SRGAP3: variants seen among roughly 807,000 people sequenced by gnomAD.
SRGAP3 encodes the protein SLIT-ROBO Rho GTPase-activating protein 3.
Under a neutral mutation model 121.1 loss-of-function variants are expected in SRGAP3, and 39 were observed. That is an observed-to-expected ratio of 0.32 (90% CI 0.25 to 0.42). The LOEUF (loss-of-function observed/expected upper bound fraction) is 0.42. Ranked by LOEUF, SRGAP3 falls within the 10% of genes least tolerant of loss-of-function variation. The probability of loss-of-function intolerance (pLI) is 1.00; values close to 1 mark genes in which losing one functional copy is unlikely to be tolerated. For missense variants in SRGAP3, 1,213 were observed against 1,470.6 expected (o/e 0.82, Z 2.86); for synonymous variants, 601 against 570.0 (o/e 1.05, Z -0.77).
chr3:9,038,002 G>A, intron 11 of SRGAP3, 61 bp downstream of exon 11: 1 of 1,609,076 alleles, frequency 6.2e-7, no homozygotes, highest in Non-Finnish European at 8.5e-7. Flanking sequence ...TGCCTCCCCA[G>A]CCCCATCCCA....
intron 5 of SRGAP3, among the ~76,000 whole-genome samples, chr3:9,060,636 C>T (rs1434809274): frequency 2.0e-5 from 3 of 152,040 alleles, no homozygotes; most frequent in Non-Finnish European, 4.4e-5. Context: ...GGTGGGGTCT[C>T]ACTATGTTGC....
chr3:9,146,804 G>A (rs1036049129), intron 1 of SRGAP3, among the ~76,000 whole-genome samples: 2 of 152,302 alleles, frequency 1.3e-5, no homozygotes, highest in South Asian at 2.1e-4. Context: ...GCGCGAGGAC[G>A]ATGCGTCCCT....
chr3:9,007,937 CAA>C (rs1943163011), intron 18 of SRGAP3: 1 of 152,208 alleles, frequency 6.6e-6, no homozygotes, highest in Non-Finnish European at 1.5e-5. Flanking sequence ...GATTTTCCAC[CAA>C]AGAGTGCCCC....
chr3:9,012,914 G>A (rs1262529791), intron 17 of SRGAP3, among the ~76,000 whole-genome samples: 3 of 152,116 alleles, frequency 2.0e-5, no homozygotes, highest in African/African-American at 4.8e-5. Flanking sequence ...GCCTGCTTGC[G>A]ACCACCAAGG....
intron 1 of SRGAP3, among the ~76,000 whole-genome samples, chr3:9,178,586 C>T (rs1951265531): frequency 2.6e-5 from 4 of 152,188 alleles, no homozygotes; most frequent in Non-Finnish European, 5.9e-5. Flanking sequence ...AAACTGAGAT[C>T]CAGAGAGGAA....
intron 3 of SRGAP3, among the ~76,000 whole-genome samples, chr3:9,312,129 G>C (rs1955258726): frequency 6.6e-6 from 1 of 152,044 alleles, no homozygotes; most frequent in South Asian, 2.1e-4. Context: ...TTCAATTTTT[G>C]TTTATGTTGT....
intron 8 of SRGAP3, among the ~76,000 whole-genome samples, chr3:9,054,596 G>A (rs1213915660): frequency 6.6e-6 from 1 of 152,098 alleles, no homozygotes; most frequent in East Asian, 1.9e-4. Context: ...ACCACCTTGG[G>A]TACATGTTTT....
At chr3:9,344,972 G>A (rs1955858206) in intron 1 of SRGAP3, among the ~76,000 whole-genome samples, 1 of 152,164 alleles carries the variant, frequency 6.6e-6, no homozygotes, top group Non-Finnish European at 1.5e-5. Context: ...GGGAGACAGA[G>A]GTTGCAGTGA....
At chr3:9,055,086 T>G (rs1292432548) in intron 8 of SRGAP3, among the ~76,000 whole-genome samples, 1 of 152,176 alleles carries the variant, frequency 6.6e-6, no homozygotes, top group Admixed American at 6.5e-5. Context: ...CATAAATAAA[T>G]AAAGAAAACA....
At chr3:9,033,691 G>A (rs1944608197) in intron 11 of SRGAP3, 1 of 152,350 alleles carries the variant, frequency 6.6e-6, no homozygotes, top group South Asian at 2.1e-4. Context: ...CCAAAGTGCT[G>A]AGATTACAGG....
rs374554373 is a variant in SRGAP3 at position 9,228,225 on chromosome 3, C to T, written c.67+20660G>A. 2.6e-4 allele frequency among the ~76,000 whole-genome samples: 40 copies of T among 152,108 alleles called. No individual in the cohort carries two copies. In the East Asian group the frequency reaches 7.0e-3, roughly 27 times the overall value. On this transcript the variant is annotated intron_variant, in intron 1 of 21. Transcript: ENST00000383836. ...AGGTGTAGGGGCTCAAGAGCACATACCTTGTCTAAAAAAGGCAGCCGCCAG... is the reference window on the plus strand; with the variant it reads ...AGGTGTAGGGGCTCAAGAGCACATATCTTGTCTAAAAAAGGCAGCCGCCAG...
At chr3:9,068,891 A>G (rs1250139758) in intron 4 of SRGAP3, among the ~76,000 whole-genome samples, 4 of 152,182 alleles carry the variant, frequency 2.6e-5, no homozygotes, top group East Asian at 1.9e-4. Flanking sequence ...AGCAGCTAGC[A>G]TCTATTGAGC....
intron 1 of SRGAP3, among the ~76,000 whole-genome samples, chr3:9,209,317 CAA>C (rs1170890741): frequency 2.0e-5 from 3 of 152,100 alleles, no homozygotes; most frequent in Non-Finnish European, 4.4e-5. Flanking sequence ...ATCTTATAAG[CAA>C]AGAGCCAATT....
chr3:9,281,422 G>A (rs1460101489), intron 3 of SRGAP3, among the ~76,000 whole-genome samples: 1 of 152,138 alleles, frequency 6.6e-6, no homozygotes, highest in Admixed American at 6.5e-5. Context: ...GTGGACTCCT[G>A]GTTAAGGCTA....
intron 21 of SRGAP3, among the ~76,000 whole-genome samples, chr3:8,989,690 C>T (rs1170660306): frequency 6.6e-6 from 1 of 152,134 alleles, no homozygotes; most frequent in Admixed American, 6.5e-5. Flanking sequence ...TCAAAAAACC[C>T]ATGAAACCGG....
At chr3:9,238,131 G>A (rs1222031163) in intron 1 of SRGAP3, among the ~76,000 whole-genome samples, 9 of 152,220 alleles carry the variant, frequency 5.9e-5, no homozygotes, top group African/African-American at 2.2e-4. Context: ...AGCCCAAAAT[G>A]CCAACTGTGG....
chr3:9,038,432 T>C (rs1944870204), intron 10 of SRGAP3, among the ~76,000 whole-genome samples: 1 of 152,234 alleles, frequency 6.6e-6, no homozygotes, highest in Admixed American at 6.5e-5. Context: ...TGAATCAGAA[T>C]CTCTGAGATA....
chr3:9,222,105 C>G (rs150501009), intron 1 of SRGAP3, among the ~76,000 whole-genome samples: 1 of 152,132 alleles, frequency 6.6e-6, no homozygotes, highest in African/African-American at 2.4e-5. Context: ...CTAGGTTGAT[C>G]CCTTCAGAGT....
At chr3:9,068,056 C>T (rs191862583) in intron 4 of SRGAP3, among the ~76,000 whole-genome samples, 3 of 152,182 alleles carry the variant, frequency 2.0e-5, no homozygotes, top group Non-Finnish European at 4.4e-5. Flanking sequence ...CCACAGACAA[C>T]CCTGGGTTCT....
Sources: gnomAD v4.1 joint callset for allele counts (sites outside exome capture counted in the v4.1 genomes callset) on GRCh38, gnomAD v4.1.1 for gene constraint, MANE v1.5 for transcripts, NCBI Gene and HGNC (gene_info 2026-07-23, HGNC 2026-07-21) for gene names.